Variants in RGS6 observed in about 807,000 individuals in gnomAD.
RGS6 encodes regulator of G-protein signaling 6.
In RGS6, 30 loss-of-function variants were observed where a neutral mutation model predicts 78.5. The ratio of observed to expected loss-of-function variants is 0.38; its 90% CI spans 0.29 to 0.52. The LOEUF is 0.52. Among genes scored for constraint, RGS6 ranks in the 20% least tolerant of loss-of-function variants. The pLI, the probability that RGS6 is intolerant of heterozygous loss-of-function variation, is 0.85. For missense variants in RGS6, 495 were observed against 609.7 expected, an observed-to-expected ratio of 0.81 and a Z score of 1.98; for synonymous variants, 206 against 206.0, an observed-to-expected ratio of 1.00 and a Z score of 0.00.
chr14:72,021,719 T>A (rs2088619195), intron 2 of RGS6, among the ~76,000 whole-genome samples: 1 of 151,816 alleles, frequency 6.6e-6, no homozygotes, highest in Non-Finnish European at 1.5e-5. Context: ...TGAGCCACCC[T>A]CCTCGGCCTC....
chr14:72,007,578 A>AT (rs2084812236), intron 2 of RGS6, among the ~76,000 whole-genome samples: 1 of 152,048 alleles, frequency 6.6e-6, no homozygotes, highest in Non-Finnish European at 1.5e-5. Flanking sequence ...TTTTATTTTT[A>AT]TTTTTTAGCT....
chr14:72,359,915 G>GT (rs35860117), intron 3 of RGS6, among the ~76,000 whole-genome samples: 79,662 of 151,974 alleles, frequency 0.52, 23,187 homozygotes, highest in African/African-American at 0.79. Flanking sequence ...TATTGGGTGT[G>GT]TCCAACCTGA....
At chr14:72,322,534 G>T (rs999835039) in intron 2 of RGS6, among the ~76,000 whole-genome samples, 3 of 151,980 alleles carry the variant, frequency 2.0e-5, no homozygotes, top group Non-Finnish European at 4.4e-5. Context: ...AAGCATCCAG[G>T]TTATTTTTCT....
the RGS6 span, among the ~76,000 whole-genome samples, chr14:72,614,777 G>A: frequency 4.1e-4 from 39 of 96,050 alleles, 1 homozygote; most frequent in African/African-American, 7.5e-4. Context: ...ACAAGCCTCA[G>A]AAAAAAAAAA....
chr14:72,622,623 A>G, the RGS6 span, among the ~76,000 whole-genome samples: 2 of 152,228 alleles, frequency 1.3e-5, no homozygotes, highest in South Asian at 2.1e-4. Context: ...TGCATTTTGC[A>G]TGGGTTGACC....
At chr14:72,385,629 GCTGACCTGCC>G (rs1837829410) in intron 3 of RGS6, among the ~76,000 whole-genome samples, 2 of 152,172 alleles carry the variant, frequency 1.3e-5, no homozygotes, top group African/African-American at 4.8e-5. Flanking sequence ...GACTAAGGAA[GCTGACCTGCC>G]CTGCCCAGGG....
At chr14:72,314,467 G>A (rs1022098966) in intron 2 of RGS6, among the ~76,000 whole-genome samples, 3 of 152,174 alleles carry the variant, frequency 2.0e-5, no homozygotes, top group African/African-American at 7.2e-5. Context: ...TGTCTCATTG[G>A]CCAGAACTGT....
chr14:72,198,087 G>A lies in RGS6; in HGVS notation c.85-154008G>A, dbSNP rs140019591. 5.9e-5 allele frequency among the ~76,000 whole-genome samples: 9 copies of A among 152,152 alleles called. No individual in the cohort carries two copies. The East Asian group carries it at 1.2e-3, about 20-fold the overall frequency. Reference sequence around the variant, plus strand: ...TTAATCTCCAACATCTTGGCTGGGCGCAGCGGCTCACACCTGTAATCCCAG... The same window carrying A: ...TTAATCTCCAACATCTTGGCTGGGCACAGCGGCTCACACCTGTAATCCCAG... On this transcript the variant is annotated intron_variant, in intron 2 of 17. Coordinates refer to ENST00000553525, the MANE Select transcript of RGS6 (RefSeq NM_001204424.2).
chr14:72,278,374 G>A (rs927893317), intron 2 of RGS6, among the ~76,000 whole-genome samples: 2 of 152,320 alleles, frequency 1.3e-5, no homozygotes, highest in East Asian at 3.9e-4. Context: ...TAGAAAGGAT[G>A]TCAAGAGCAG....
At chr14:72,258,349 A>G (rs112931807) in intron 2 of RGS6, among the ~76,000 whole-genome samples, 3,248 of 152,326 alleles carry the variant, frequency 0.021, 59 homozygotes, top group African/African-American at 0.046. Context: ...CGTCTAGCCC[A>G]TTAATTTGTT....
intron 12 of RGS6, among the ~76,000 whole-genome samples, chr14:72,487,261 C>T (rs1037657950): frequency 6.6e-6 from 1 of 152,248 alleles, no homozygotes; most frequent in Non-Finnish European, 1.5e-5. Context: ...TCTACTGCCA[C>T]ACTCTCCTCC....
chr14:72,154,927 A>C (rs1453966317), intron 2 of RGS6, among the ~76,000 whole-genome samples: 1 of 152,222 alleles, frequency 6.6e-6, no homozygotes, highest in African/African-American at 2.4e-5. Flanking sequence ...AACAAACCCC[A>C]GTGATGCCCT....
intron 3 of RGS6, among the ~76,000 whole-genome samples, chr14:72,363,153 A>C (rs1483953886): frequency 6.6e-6 from 1 of 152,214 alleles, no homozygotes; most frequent in Non-Finnish European, 1.5e-5. Context: ...TTTGTTCCAA[A>C]GGTGGGGCTG....
At chr14:72,470,486 CT>C (rs1266023679) in intron 8 of RGS6, among the ~76,000 whole-genome samples, 2 of 152,202 alleles carry the variant, frequency 1.3e-5, no homozygotes, top group East Asian at 3.8e-4. Flanking sequence ...CCCCTGTCTT[CT>C]TTTCCCTGAC....
Position 72,126,692 on chromosome 14 carries a change from C to T in RGS6, c.84+161817C>T, listed in dbSNP as rs61994827. ...TCTGTTTTGCATGTGGCTATCTTTACATCAGAGCCTTGGAAGTGGTCAACT... is the reference window on the plus strand; with the variant it reads ...TCTGTTTTGCATGTGGCTATCTTTATATCAGAGCCTTGGAAGTGGTCAACT... On this transcript the variant is annotated intron_variant, in intron 2 of 17. Transcript: ENST00000553525. Among the ~76,000 whole-genome samples the T allele has an allele frequency of 2.8e-3, 430 of 152,332 alleles. 3 individuals carry two copies. Among genetic ancestry groups the T allele is most frequent in the Middle Eastern group, 0.01 (3 of 294 alleles).
chr14:72,445,751 G>A (rs1323384458), intron 3 of RGS6, among the ~76,000 whole-genome samples: 1 of 152,102 alleles, frequency 6.6e-6, no homozygotes, highest in African/African-American at 2.4e-5. Flanking sequence ...TCCATGCCAG[G>A]GACAGAACTA....
chr14:72,065,215 T>C (rs2094084987), intron 2 of RGS6, among the ~76,000 whole-genome samples: 1 of 152,190 alleles, frequency 6.6e-6, no homozygotes, highest in African/African-American at 2.4e-5. Flanking sequence ...TCATTTTGGT[T>C]TCTCATTTTC....
chr14:72,465,602 T>TGGATGGA (rs1566914149), intron 6 of RGS6, among the ~76,000 whole-genome samples, 156 bp from the exon 7 acceptor site: 2 of 99,396 alleles, frequency 2.0e-5, no homozygotes, highest in African/African-American at 7.9e-5. Context: ...GGATGGATGG[T>TGGATGGA]TGGGTGGATG....
chr14:72,352,327 G>T (rs2079261689), intron 3 of RGS6, 133 bp downstream of exon 3: 1 of 605,782 alleles, frequency 1.7e-6, no homozygotes, highest in South Asian at 2.4e-5. Context: ...TCTTGACTCA[G>T]GTCCCATCCT....
Sources: allele counts gnomAD v4.1 joint callset (sites outside exome capture counted in the v4.1 genomes callset), GRCh38; gene constraint gnomAD v4.1.1; transcripts MANE v1.5; gene names NCBI Gene and HGNC (gene_info 2026-07-23, HGNC 2026-07-21).